The following WDR76 variants were observed in gnomAD, a reference collection of about 807,000 sequenced individuals.
The protein encoded by WDR76 is WD repeat-containing protein 76.
Under a neutral mutation model 70.2 loss-of-function variants are expected in WDR76, and 52 were observed. The observed-to-expected ratio is 0.74, with a 90% CI of 0.59 to 0.93. The LOEUF (loss-of-function observed/expected upper bound fraction) is 0.93. Ranked by LOEUF, WDR76 falls within the 40% of genes least tolerant of loss-of-function variation. The pLI, the probability that WDR76 is intolerant of heterozygous loss-of-function variation, is 0.00. For missense variants in WDR76, 756 were observed against 760.2 expected (o/e 0.99, Z 0.07); for synonymous variants, 292 against 271.1 (o/e 1.08, Z -0.76).
intron 12 of WDR76, among the ~76,000 whole-genome samples, chr15:43,863,158 G>A (rs780822801): frequency 3.3e-5 from 5 of 151,788 alleles, no homozygotes; most frequent in Non-Finnish European, 7.4e-5. Context: ...GGCTGGTTTT[G>A]AACTTCTGGC....
chr15:43,828,174 C>T lies in WDR76; in HGVS notation c.270C>T (p.Cys90=), dbSNP rs1279646987. The change falls in exon 2 of 13, where the codon TGC becomes TGT. Residue 90 remains cysteine (C), a synonymous_variant. Transcript: ENST00000263795. ...AGAAGACTAAAATAAAGAAAACTTGCAGAAGGATTATACCTCCAAAGATGA... is the reference window on the plus strand; with the variant it reads ...AGAAGACTAAAATAAAGAAAACTTGTAGAAGGATTATACCTCCAAAGATGA... ...ACKKTKIKKT[C]RRIIPPKMKN... is the part of the protein sequence containing the mutation. 1.9e-6 allele frequency: 3 copies of T among 1,614,016 alleles called. No homozygotes were observed. The highest frequency in any genetic ancestry group is 2.5e-6 in the Non-Finnish European group (3 of 1,180,000).
chr15:43,852,710 C>A (rs1054956174), intron 9 of WDR76, among the ~76,000 whole-genome samples: 4 of 152,080 alleles, frequency 2.6e-5, no homozygotes, highest in Non-Finnish European at 4.4e-5. Flanking sequence ...TGAAATCATA[C>A]AATTTGTGGT....
At chr15:43,865,044 C>T (rs1207727120) in intron 12 of WDR76, among the ~76,000 whole-genome samples, 1 of 152,222 alleles carries the variant, frequency 6.6e-6, no homozygotes, top group Non-Finnish European at 1.5e-5. Context: ...GCCTCAGCCT[C>T]CCCAGTAGCT....
Position 43,851,200 on chromosome 15 carries a change from T to C in WDR76, c.1146T>C (p.Asp382=). The C allele has an allele frequency of 6.2e-7, 1 of 1,614,196 alleles. No individual in the cohort carries two copies. The highest frequency in any genetic ancestry group is 8.5e-7 in the Non-Finnish European group (1 of 1,180,028). The change falls in exon 9 of 13, where the codon GAT becomes GAC. Residue 382 remains aspartate, a synonymous_variant. Coordinates refer to ENST00000263795, the MANE Select transcript of WDR76 (RefSeq NM_024908.4). ...CCCACATACTGTCACTGAGCTATGA[T>C]GGCACGTTACGCTGTGGGGATTTTT... ...NPAHILSLSY[D]GTLRCGDFSR...
rs1415572697 is a variant in WDR76, at chr15:43,842,359, GT to G, written c.733-55del. On this transcript the variant is annotated intron_variant, in intron 5 of 12. Transcript: ENST00000263795. ...ACAGACAAATACCCTTGCCCTCCTT[GT>G]GTTTATATTCTAGGGCAGGGAGCCC... is the stretch of plus-strand genomic sequence containing the variant. 4 of 1,506,986 alleles carry G rather than the reference GT, an allele frequency of 2.7e-6. No homozygotes were observed. The African/African-American group carries it at 5.5e-5, about 21-fold the overall frequency. The allele number at this position is 1,506,986 out of a possible 1,614,324, so 93.4% of individuals were successfully genotyped here.
At chr15:43,858,248 T>G (rs1376006043) in intron 10 of WDR76, among the ~76,000 whole-genome samples, 1 of 151,488 alleles carries the variant, frequency 6.6e-6, no homozygotes, top group Non-Finnish European at 1.5e-5. Context: ...GTTCTGTTTT[T>G]TTTTTTTGTT....
intron 1 of WDR76, 112 bp downstream of exon 1, chr15:43,827,204 G>T (rs778143505): frequency 1.4e-4 from 199 of 1,388,908 alleles, no homozygotes; most frequent in Non-Finnish European, 1.9e-4. Flanking sequence ...GGTAGGCGGG[G>T]GATCCCTGCC....
At position 43,839,729 on chromosome 15, in the gene WDR76, G is replaced by A; in HGVS notation, c.732+1G>A. 6.3e-7 allele frequency: 1 copy of A among 1,598,550 alleles called. No individual in the cohort carries two copies. The highest frequency in any genetic ancestry group is 1.1e-5 in the South Asian group (1 of 87,732). On this transcript the variant is annotated splice_donor_variant, in intron 5 of 12. Coordinates refer to ENST00000263795, the MANE Select transcript of WDR76 (RefSeq NM_024908.4). LOFTEE classifies it high-confidence loss of function. ...GCCGACATTAGTAGCAGATGAAACT[G>A]TAAGGAAATGTGCAAATATAATATT... is the stretch of plus-strand genomic sequence containing the variant.
intron 4 of WDR76, among the ~76,000 whole-genome samples, chr15:43,838,214 C>G (rs1256571200): frequency 1.3e-5 from 2 of 151,264 alleles, no homozygotes; most frequent in African/African-American, 4.9e-5. Context: ...GAGACAGAGT[C>G]TTGCTCTGTT....
At chr15:43,834,523 G>T (rs551099584) in intron 2 of WDR76, among the ~76,000 whole-genome samples, 1 of 151,126 alleles carries the variant, frequency 6.6e-6, no homozygotes, top group African/African-American at 2.4e-5. Context: ...TGTTGGCCAG[G>T]CTGGTCTCGA....
Position 43,842,685 on chromosome 15 carries a change from C to T in WDR76, c.878+14C>T. 6.2e-7 allele frequency: 1 copy of T among 1,603,316 alleles called. No individual in the cohort carries two copies. Among genetic ancestry groups the T allele is most frequent in the Non-Finnish European group, 8.5e-7 (1 of 1,175,184 alleles). On this transcript the variant is annotated intron_variant, in intron 7 of 12. Transcript: ENST00000263795. The stretch of plus-strand genomic sequence containing the variant: ...TAGCATTAAAAGGTAAGTTGAAATT[C>T]CTTGTGTTTCTTTTATATTTTTTGA...
At chr15:43,861,037 C>T (rs534584549) in intron 11 of WDR76, among the ~76,000 whole-genome samples, 3 of 149,472 alleles carry the variant, frequency 2.0e-5, no homozygotes, top group Non-Finnish European at 3.0e-5. Flanking sequence ...CTTCTCACCT[C>T]AGCCTCCTGA....
In WDR76 at chr15:43,833,842, G is replaced by C. The variant is rs540580599; in HGVS notation, c.463-1219G>C. ...AGTAGAGACTGGGTTTTGCCATGCT[G>C]GCCAGGATGGTCCTGATTTCCTGAC... On this transcript the variant is annotated intron_variant, in intron 2 of 12. Coordinates refer to ENST00000263795, the MANE Select transcript of WDR76 (RefSeq NM_024908.4). Among the ~76,000 whole-genome samples the C allele has an allele frequency of 3.2e-4, 47 of 148,024 alleles. 1 individual carries two copies. The East Asian group carries it at 9.3e-3, about 29-fold the overall frequency.
chr15:43,827,849 T>G, intron 1 of WDR76, 116 bp from the exon 2 acceptor site: 1 of 1,196,696 alleles, frequency 8.4e-7, no homozygotes, highest in Non-Finnish European at 1.1e-6. Flanking sequence ...CTGGCCTCAA[T>G]TTGGATTTAT....
At chr15:43,850,559 T>TGCTA (rs1358723177) in intron 8 of WDR76, among the ~76,000 whole-genome samples, 1 of 151,982 alleles carries the variant, frequency 6.6e-6, no homozygotes, top group Admixed American at 6.6e-5. Context: ...CCTCCCAAAG[T>TGCTA]GCTAGGATTA....
At chr15:43,864,186 TTGTTGATTCCA>T (rs1242364622) in intron 12 of WDR76, among the ~76,000 whole-genome samples, 2 of 152,232 alleles carry the variant, frequency 1.3e-5, no homozygotes, top group Non-Finnish European at 2.9e-5. Context: ...ATCCATTGAT[TTGTTGATTCCA>T]TATCTTAGAT....
At chr15:43,860,573 G>C (rs943863415) in intron 11 of WDR76, among the ~76,000 whole-genome samples, 1 of 151,570 alleles carries the variant, frequency 6.6e-6, no homozygotes, top group African/African-American at 2.4e-5. Context: ...CAACCCTGAC[G>C]TGCTGGGCTC....
At position 43,867,497 on chromosome 15, in the gene WDR76, C is replaced by G. The variant is rs183576881; in HGVS notation, c.*1105C>G. On this transcript the variant is annotated 3_prime_UTR_variant, in exon 13 of 13. Coordinates refer to ENST00000263795, the MANE Select transcript of WDR76 (RefSeq NM_024908.4). ...TTTGAGTAAGTATTGTTTGGTAAAA[C>G]TTAGTTACATATGCATATATATTTG... The G allele has an allele frequency of 6.6e-6, 1 of 151,664 alleles. No individual in the cohort carries two copies. The highest frequency in any genetic ancestry group is 1.9e-4 in the East Asian group (1 of 5,182). 9.4% of individuals were successfully genotyped at this position (151,664 alleles called of 1,614,324 possible). A position where few individuals can be genotyped will look rare whatever the true frequency, so the allele number is the denominator to read the frequency against.
Position 43,828,690 on chromosome 15 carries a change from G to A in WDR76, c.462+324G>A, listed in dbSNP as rs552408685. Among the ~76,000 whole-genome samples, 5 of 152,128 alleles carry A rather than the reference G, an allele frequency of 3.3e-5. No homozygotes were observed. In the South Asian group the frequency reaches 1.0e-3, roughly 32 times the overall value. On this transcript the variant is annotated intron_variant, in intron 2 of 12. Transcript: ENST00000263795. Reference sequence around the variant, plus strand: ...GCCTTTCTCACCTTTACATGTTTATGTACAGTATATCAGAAGTCATCAGTT... The same window carrying A: ...GCCTTTCTCACCTTTACATGTTTATATACAGTATATCAGAAGTCATCAGTT...
Sources: allele counts gnomAD v4.1 joint callset (sites outside exome capture counted in the v4.1 genomes callset), GRCh38; gene constraint gnomAD v4.1.1; transcripts MANE v1.5; gene names NCBI Gene and HGNC (gene_info 2026-07-23, HGNC 2026-07-21).